MDGA2: variants seen among roughly 807,000 people sequenced by gnomAD.
MDGA2 encodes the protein MAM domain-containing glycosylphosphatidylinositol anchor protein 2.
A neutral mutation model predicts 117.8 loss-of-function variants in MDGA2; 40 were observed. The observed-to-expected ratio is 0.34, with a 90% confidence interval of 0.26 to 0.44. The LOEUF (loss-of-function observed/expected upper bound fraction) is 0.44, where lower values mean the gene tolerates loss of function less well. MDGA2 is among the 20% of genes least tolerant of loss of function. The pLI is 1.00. For synonymous variants in MDGA2, 452 were observed against 439.0 expected (o/e 1.03, Z -0.37); for missense variants, 1,123 against 1,250.6 (o/e 0.90, Z 1.54).
intron 1 of MDGA2, among the ~76,000 whole-genome samples, chr14:47,575,280 C>T (rs1896095622): frequency 1.3e-5 from 2 of 152,118 alleles, no homozygotes; most frequent in South Asian, 4.1e-4. Context: ...GAGTAATTTC[C>T]TTTTAAATAC....
chr14:47,508,352 A>ACTCTCTCTCTCTCTCTCTCTCT (rs3039658), intron 1 of MDGA2, among the ~76,000 whole-genome samples: 261 of 132,790 alleles, frequency 2.0e-3, no homozygotes, highest in African/African-American at 7.0e-3. Context: ...TTGCTGATTG[A>ACTCTCTCTCTCTCTCTCTCTCT]CTCTCTCTCT....
chr14:47,236,285 C>G, intron 2 of MDGA2, among the ~76,000 whole-genome samples: 1 of 112,640 alleles, frequency 8.9e-6, no homozygotes, highest in African/African-American at 3.6e-5. Flanking sequence ...AGCGAGACTC[C>G]GCCTCAAAAA....
At chr14:46,969,448 G>A (rs111997467) in intron 8 of MDGA2, among the ~76,000 whole-genome samples, 17,966 of 152,126 alleles carry the variant, frequency 0.12, 2,027 homozygotes, top group African/African-American at 0.27. Context: ...CATGCTAACT[G>A]GTGTGAGATG....
chr14:47,414,936 A>G (rs535962966), intron 1 of MDGA2, among the ~76,000 whole-genome samples: 1 of 152,256 alleles, frequency 6.6e-6, no homozygotes, highest in African/African-American at 2.4e-5. Flanking sequence ...AATAAAAAAC[A>G]AAGATTCATT....
chr14:47,659,579 T>C (rs989388354), intron 1 of MDGA2, among the ~76,000 whole-genome samples: 1 of 152,224 alleles, frequency 6.6e-6, no homozygotes, highest in African/African-American at 2.4e-5. Context: ...TTAATTATTG[T>C]TGGTAAAATT....
chr14:47,120,672 C>T (rs879899559), intron 5 of MDGA2, among the ~76,000 whole-genome samples: 10 of 152,122 alleles, frequency 6.6e-5, no homozygotes, highest in Non-Finnish European at 8.8e-5. Flanking sequence ...GCCACAACTG[C>T]AGACAAAAAG....
chr14:47,175,974 G>T (rs545171128), intron 3 of MDGA2, among the ~76,000 whole-genome samples: 1 of 152,168 alleles, frequency 6.6e-6, no homozygotes, highest in Admixed American at 6.5e-5. Context: ...AAATCAATGT[G>T]CAAAAATCAC....
chr14:47,666,650 G>A (rs1327049786), intron 1 of MDGA2, among the ~76,000 whole-genome samples: 4 of 152,138 alleles, frequency 2.6e-5, no homozygotes, highest in Non-Finnish European at 5.9e-5. Context: ...GCAGGATGTG[G>A]GTGGGGCCAG....
intron 8 of MDGA2, among the ~76,000 whole-genome samples, chr14:47,016,541 A>T (rs183027780): frequency 3.3e-5 from 5 of 152,168 alleles, no homozygotes; most frequent in African/African-American, 9.6e-5. Context: ...AAATGCACTG[A>T]AAAAGCTATG....
intron 1 of MDGA2, among the ~76,000 whole-genome samples, chr14:47,466,284 C>T (rs563456287): frequency 2.6e-5 from 4 of 151,442 alleles, no homozygotes; most frequent in East Asian, 1.9e-4. Flanking sequence ...AGTCTATCTA[C>T]GTAACAAAGA....
chr14:47,131,648 T>G (rs1882208524), intron 5 of MDGA2, 66 bp downstream of exon 5: 3 of 1,309,354 alleles, frequency 2.3e-6, no homozygotes, highest in Non-Finnish European at 3.1e-6. Flanking sequence ...TTTAAAAAAG[T>G]TAAAGAGAGT....
Position 47,236,286 on chromosome 14 carries a change from G to A in MDGA2, c.421-18091C>T, listed in dbSNP as rs531883109. Among the ~76,000 whole-genome samples the A allele has an allele frequency of 1.6e-4, 12 of 75,004 alleles. No individual in the cohort carries two copies. In the South Asian group the frequency reaches 5.0e-3, roughly 31 times the overall value. The allele number at this position is 75,004 out of a possible 152,430, so 49.2% of individuals were successfully genotyped here. On this transcript the variant is annotated intron_variant, in intron 2 of 16. Coordinates refer to ENST00000399232, the MANE Select transcript of MDGA2 (RefSeq NM_001113498.3). ...AGCCTGGGTGACAGAGCGAGACTCC[G>A]CCTCAAAAAAAAAAAAAAAAAAAAA...
intron 1 of MDGA2, among the ~76,000 whole-genome samples, chr14:47,588,233 G>GATATATAT (rs1284259011): frequency 6.0e-5 from 5 of 83,668 alleles, no homozygotes; most frequent in African/African-American, 1.6e-4. Context: ...CTTGGAGATA[G>GATATATAT]ATAGATATAT....
At position 47,131,698 on chromosome 14, in the gene MDGA2, A is replaced by C; in HGVS notation, c.925+16T>G. ...TGTAGATAAGATACATGTAACATAC[A>C]GAGATAATTCCATACCTGTTTTATT... is the stretch of plus-strand genomic sequence containing the variant. On this transcript the variant is annotated intron_variant, in intron 5 of 16. Coordinates refer to ENST00000399232, the MANE Select transcript of MDGA2 (RefSeq NM_001113498.3). 6.7e-7 allele frequency: 1 copy of C among 1,482,886 alleles called. No individual in the cohort carries two copies. Among genetic ancestry groups the C allele is most frequent in the Non-Finnish European group, 9.1e-7 (1 of 1,096,664 alleles). 91.9% of individuals were successfully genotyped at this position (1,482,886 alleles called of 1,614,324 possible). A position where few individuals can be genotyped will look rare whatever the true frequency, so the allele number is the denominator to read the frequency against.
chr14:46,998,252 T>C (rs1887371632), intron 8 of MDGA2, among the ~76,000 whole-genome samples: 1 of 152,048 alleles, frequency 6.6e-6, no homozygotes, highest in Non-Finnish European at 1.5e-5. Flanking sequence ...GAGACTAGCC[T>C]GGGCAACATG....
intron 8 of MDGA2, among the ~76,000 whole-genome samples, chr14:46,982,321 A>C (rs1886703999): frequency 6.6e-6 from 1 of 152,172 alleles, no homozygotes; most frequent in African/African-American, 2.4e-5. Flanking sequence ...TAAAAGTAGT[A>C]TTATTAAAAT....
At chr14:47,275,320 A>G (rs545324650) in intron 2 of MDGA2, among the ~76,000 whole-genome samples, 10 of 152,294 alleles carry the variant, frequency 6.6e-5, no homozygotes, top group Non-Finnish European at 1.3e-4. Flanking sequence ...ATACCATTAT[A>G]TAGATTTTCT....
At chr14:47,343,379 C>G in intron 1 of MDGA2, 3 of 499,628 alleles carry the variant, frequency 6.0e-6, no homozygotes, top group Non-Finnish European at 7.9e-6. Context: ...GTGTGAAAAG[C>G]CTAACTTTGA....
At chr14:47,065,719 G>A (rs900349309) in intron 6 of MDGA2, among the ~76,000 whole-genome samples, 3 of 152,170 alleles carry the variant, frequency 2.0e-5, no homozygotes, top group African/African-American at 7.2e-5. Flanking sequence ...ATACTTTAAT[G>A]TGAAAAGCAT....
Sources: allele counts gnomAD v4.1 joint callset (sites outside exome capture counted in the v4.1 genomes callset), GRCh38; gene constraint gnomAD v4.1.1; transcripts MANE v1.5; gene names NCBI Gene and HGNC (gene_info 2026-07-23, HGNC 2026-07-21).